Variants in PPL observed in about 807,000 individuals in gnomAD.
The protein encoded by PPL is 190 kDa paraneoplastic pemphigus antigen.
Under a neutral mutation model 194.4 loss-of-function variants are expected in PPL, and 198 were observed. That is an observed-to-expected ratio of 1.02 (90% CI 0.91 to 1.15). PPL has a LOEUF of 1.15. PPL is among the 50% of genes most tolerant of loss of function. PPL has a pLI of 0.00. For missense variants in PPL, 2,885 were observed against 2,294.8 expected (o/e 1.26, Z -5.25); for synonymous variants, 1,220 against 972.4 (o/e 1.25, Z -4.74).
Position 4,893,327 on chromosome 16 carries a change from G to A in PPL, c.1536C>T (p.Asp512=), listed in dbSNP as rs1365369966. 1.9e-6 allele frequency: 3 copies of A among 1,608,350 alleles called. No individual in the cohort carries two copies. Among genetic ancestry groups the A allele is most frequent in the East Asian group, 2.2e-5 (1 of 44,884 alleles). Residue 512 remains aspartate, a synonymous_variant, in exon 14 of 22, where the codon GAC becomes GAT. Transcript: ENST00000345988. ...LQGRQLLAGL[D]KVASDLDRQE... ...GCCGGTCCAGGTCGCTGGCCACCTT[G>A]TCCAAGCCAGCCAGCAGCTGCCGCC...
Position 4,885,417 on chromosome 16 carries a change from G to C in PPL, c.3238C>G (p.Gln1080Glu). ...TCCTGCTTCTCCCTGAGCTGGTCCTGGCGCTGGTGGTCCTCCTGCAGCTGC... is the reference window on the plus strand; with the variant it reads ...TCCTGCTTCTCCCTGAGCTGGTCCTCGCGCTGGTGGTCCTCCTGCAGCTGC... ...YQQLQEDHQR[Q>E]DQLREKQEEE... Residue 1080 changes from glutamine to glutamate, a missense_variant, in exon 22 of 22, where the codon CAG becomes GAG. By Grantham distance (29) the Gln-to-Glu change is conservative. Coordinates refer to ENST00000345988, the MANE Select transcript of PPL (RefSeq NM_002705.5). This position sits in a 1 kb window ranked among gnomAD's most constrained non-coding sequence, Gnocchi z 6.3. 1 of 1,612,728 alleles carries C rather than the reference G, an allele frequency of 6.2e-7. No individual in the cohort carries two copies.
chr16:4,933,264 C>A (rs1428486189), intron 1 of PPL, among the ~76,000 whole-genome samples: 1 of 152,128 alleles, frequency 6.6e-6, no homozygotes, highest in Non-Finnish European at 1.5e-5. Context: ...CCCTCAAAGC[C>A]TGGGGTCCTG....
At chr16:4,887,571 G>A (rs2088239640) in intron 20 of PPL, among the ~76,000 whole-genome samples, 1 of 152,102 alleles carries the variant, frequency 6.6e-6, no homozygotes, top group Non-Finnish European at 1.5e-5. Context: ...CAGATCCATG[G>A]TTCTGACCCT....
intron 1 of PPL, among the ~76,000 whole-genome samples, chr16:4,914,832 C>G (rs2088888266): frequency 6.6e-6 from 1 of 152,134 alleles, no homozygotes; most frequent in African/African-American, 2.4e-5. Context: ...ACAGCCAGGT[C>G]AGGGGTCCAC....
intron 1 of PPL, among the ~76,000 whole-genome samples, chr16:4,926,032 G>C (rs2089148910): frequency 6.6e-6 from 1 of 152,202 alleles, no homozygotes; most frequent in Admixed American, 6.5e-5. Flanking sequence ...CTCCCAGCCT[G>C]TCCCTCCAAA....
At chr16:4,914,183 G>A (rs1456946517) in intron 1 of PPL, among the ~76,000 whole-genome samples, 5 of 152,292 alleles carry the variant, frequency 3.3e-5, no homozygotes, top group African/African-American at 9.6e-5. Context: ...GGGCCAGGGC[G>A]GGGTTCTTGA....
Position 4,904,035 on chromosome 16 carries a change from C to T in PPL, c.168G>A (p.Leu56=). Reference sequence around the variant, plus strand: ...GCTGCCGACCCTCCTGCAGCCGAGCCAGGTCCTGTGAGGGTCACAAGAGAG... The same window carrying T: ...GCTGCCGACCCTCCTGCAGCCGAGCTAGGTCCTGTGAGGGTCACAAGAGAG... The part of the protein sequence containing the change: ...VDTEAKMQSD[L]ARLQEGRQPE... Residue 56 remains leucine (L), a synonymous_variant, in exon 3 of 22, where the codon CTG becomes CTA. Coordinates refer to ENST00000345988, the MANE Select transcript of PPL (RefSeq NM_002705.5). 6.2e-7 allele frequency: 1 copy of T among 1,611,512 alleles called. No homozygotes were observed. The highest frequency in any genetic ancestry group is 8.5e-7 in the Non-Finnish European group (1 of 1,179,730).
intron 1 of PPL, among the ~76,000 whole-genome samples, chr16:4,911,204 C>A (rs1568034141): frequency 6.8e-6 from 1 of 146,134 alleles, no homozygotes; most frequent in Non-Finnish European, 1.5e-5. Flanking sequence ...CTCTGTCACC[C>A]AGGCTAAAGT....
chr16:4,903,349 A>C (rs910980504), intron 3 of PPL, among the ~76,000 whole-genome samples: 1 of 152,166 alleles, frequency 6.6e-6, no homozygotes, highest in Non-Finnish European at 1.5e-5. Context: ...TGGCTCCAGA[A>C]CAAGGGATAT....
At chr16:4,933,325 G>A (rs534987074) in intron 1 of PPL, among the ~76,000 whole-genome samples, 20 of 152,292 alleles carry the variant, frequency 1.3e-4, no homozygotes, top group South Asian at 1.0e-3. Context: ...TGCAAGACCC[G>A]TCTAGGCAAG....
At position 4,891,856 on chromosome 16, in the gene PPL, C is replaced by T. The variant is rs770566126; in HGVS notation, c.1923G>A (p.Val641=). 1 of 1,613,496 alleles carries T rather than the reference C, an allele frequency of 6.2e-7. No individual in the cohort carries two copies. ...TGTCCAGGACACGGCTGCTCTCAGG[C>T]ACTGTGTCATCCTGATTCAGATGGT... ...HENHLNQDDT[V]PESSRVLDSK... Residue 641 remains valine, a synonymous_variant, in exon 16 of 22, where the codon GTG becomes GTA. Coordinates refer to ENST00000345988, the MANE Select transcript of PPL (RefSeq NM_002705.5).
In PPL at chr16:4,890,752, T is replaced by A; in HGVS notation, c.2138A>T (p.Asn713Ile). The A allele has an allele frequency of 6.2e-7, 1 of 1,608,224 alleles. No individual in the cohort carries two copies. Residue 713 changes from asparagine to isoleucine, a missense_variant, in exon 17 of 22, where the codon AAC (asparagine) becomes ATC (isoleucine). Transcript: ENST00000345988. The part of the protein sequence containing the change: ...EVHKLGQRFN[N>I]LRQQVERRAQ... ...CCTGCGTTCCACCTGCTGGCGCAGGTTGTTGAAACGCTGGCCCAGCTTGTG... is the reference window on the plus strand; with the variant it reads ...CCTGCGTTCCACCTGCTGGCGCAGGATGTTGAAACGCTGGCCCAGCTTGTG...
At position 4,895,272 on chromosome 16, in the gene PPL, CAA is replaced by C; in HGVS notation, c.1229_1230del (p.Phe410Ter). On this transcript the variant is annotated frameshift_variant, in exon 11 of 22. Transcript: ENST00000345988. LOFTEE classifies it high-confidence loss of function. ...KPIPVEALCD[F>X]EGEQGLISRG... Reference sequence around the variant, plus strand: ...CTGGCCCCACGCACCTGCTCCCCCTCAAAGTCACAGAGTGCCTCCACGGGGAT... The same window carrying C: ...CTGGCCCCACGCACCTGCTCCCCCTCAGTCACAGAGTGCCTCCACGGGGAT... 1.9e-6 allele frequency: 3 copies of C among 1,605,994 alleles called. No homozygotes were observed. The highest frequency in any genetic ancestry group is 1.1e-5 in the South Asian group (1 of 90,878).
rs1198684408 is a variant in PPL, at chr16:4,884,113, T to C, written c.4542A>G (p.Gln1514=). 22 of 1,613,316 alleles carry C rather than the reference T, an allele frequency of 1.4e-5. No individual in the cohort carries two copies. The highest frequency in any genetic ancestry group is 1.9e-5 in the Non-Finnish European group (22 of 1,179,976). Residue 1514 remains glutamine (Q), a synonymous_variant, in exon 22 of 22, where the codon CAA becomes CAG. Transcript: ENST00000345988. This position sits in a 1 kb window ranked among gnomAD's most constrained non-coding sequence, Gnocchi z 5.7. Reference sequence around the variant, plus strand: ...GGCTGCTCTTGAGCCTCTGGATCTCTTGCTCGGTGTCGCCCTTCTCCACCT... The same window carrying C: ...GGCTGCTCTTGAGCCTCTGGATCTCCTGCTCGGTGTCGCCCTTCTCCACCT... The part of the protein sequence containing the change: ...SVQVEKGDTE[Q]EIQRLKSSLE...
chr16:4,935,269 T>TG (rs2089281827), intron 1 of PPL, among the ~76,000 whole-genome samples: 1 of 152,080 alleles, frequency 6.6e-6, no homozygotes, highest in African/African-American at 2.4e-5. Context: ...AGGTCCAAGC[T>TG]GGGGCCTTCA....
chr16:4,883,331 C>A lies in PPL; in HGVS notation c.*53G>T. The A allele has an allele frequency of 1.9e-6, 3 of 1,605,498 alleles. No homozygotes were observed. Among genetic ancestry groups the A allele is most frequent in the Non-Finnish European group, 2.5e-6 (3 of 1,178,506 alleles). Reference sequence around the variant, plus strand: ...GAGGACGACACCAAGGAGGTCACTGCGTCGTAGGAGAGGGCCAGCGTCTGC... The same window carrying A: ...GAGGACGACACCAAGGAGGTCACTGAGTCGTAGGAGAGGGCCAGCGTCTGC... On this transcript the variant is annotated 3_prime_UTR_variant, in exon 22 of 22. Coordinates refer to ENST00000345988, the MANE Select transcript of PPL (RefSeq NM_002705.5). This position sits in a 1 kb window ranked among gnomAD's most constrained non-coding sequence, Gnocchi z 4.8.
At chr16:4,912,068 T>A (rs2088830114) in intron 1 of PPL, among the ~76,000 whole-genome samples, 1 of 152,230 alleles carries the variant, frequency 6.6e-6, no homozygotes, top group African/African-American at 2.4e-5. Context: ...ATAACTCACA[T>A]ACCGTAAAAT....
rs562326612 is a variant in PPL, at chr16:4,885,850, C to T, written c.2805G>A (p.Lys935=). 3.7e-6 allele frequency: 6 copies of T among 1,607,942 alleles called. No homozygotes were observed. The highest frequency in any genetic ancestry group is 1.6e-4 in the Middle Eastern group (1 of 6,062). The stretch of plus-strand genomic sequence containing the variant: ...GATCCGGCACCTTCTTGAGCACCTC[C>T]TTCCTCACCACCGATTCCTGAGGCC... ...NQGPQESVVR[K]EVLKKVPDPV... is the part of the protein sequence containing the mutation. Residue 935 remains lysine, a synonymous_variant, in exon 22 of 22, where the codon AAG becomes AAA. Transcript: ENST00000345988. This position sits in a 1 kb window ranked among gnomAD's most constrained non-coding sequence, Gnocchi z 6.3.
At position 4,904,055 on chromosome 16, in the gene PPL, A is replaced by G. The variant is rs1407875451; in HGVS notation, c.163-15T>C. ...CGAGCCAGGTCCTGTGAGGGTCACA[A>G]GAGAGGGGACAATGAACAGGAGCCG... On this transcript the variant is annotated splice_polypyrimidine_tract_variant and intron_variant, in intron 2 of 21. Transcript: ENST00000345988. 1.9e-6 allele frequency: 3 copies of G among 1,608,714 alleles called. No homozygotes were observed. The highest frequency in any genetic ancestry group is 2.5e-6 in the Non-Finnish European group (3 of 1,179,136).
Sources: gnomAD v4.1 joint callset for allele counts (sites outside exome capture counted in the v4.1 genomes callset) on GRCh38, gnomAD v4.1.1 for gene constraint, Gnocchi (gnomAD v3.1) non-coding constraint, MANE v1.5 for transcripts, NCBI Gene and HGNC (gene_info 2026-07-23, HGNC 2026-07-21) for gene names.